Variants in KIAA1217 observed in about 807,000 individuals in gnomAD.
KIAA1217 encodes sickle tail protein homolog.
KIAA1217 carries 88 observed loss-of-function variants against 163.9 expected under a neutral mutation model. The observed-to-expected ratio is 0.54, with a 90% CI of 0.45 to 0.64. KIAA1217 has a LOEUF of 0.64. Ranked by LOEUF, KIAA1217 falls within the 30% of genes least tolerant of loss-of-function variation. The pLI is 0.00. For missense variants in KIAA1217, 2,372 were observed against 2,475.0 expected, an observed-to-expected ratio of 0.96 and a Z score of 0.88; for synonymous variants, 903 against 923.1, an observed-to-expected ratio of 0.98 and a Z score of 0.39.
At chr10:23,969,097 C>A (rs556208126) in intron 1 of KIAA1217, among the ~76,000 whole-genome samples, 3 of 152,146 alleles carry the variant, frequency 2.0e-5, no homozygotes, top group African/African-American at 7.2e-5. Flanking sequence ...TGCAATGGCA[C>A]GATCTCGGCT....
chr10:23,929,809 G>A (rs1225082920), intron 1 of KIAA1217, among the ~76,000 whole-genome samples: 3 of 152,080 alleles, frequency 2.0e-5, no homozygotes, highest in African/African-American at 7.2e-5. Flanking sequence ...ATTTTCCTTT[G>A]GATATATACC....
chr10:24,056,058 G>A (rs2060519565), intron 2 of KIAA1217, among the ~76,000 whole-genome samples: 1 of 152,072 alleles, frequency 6.6e-6, no homozygotes, highest in Non-Finnish European at 1.5e-5. Flanking sequence ...AAGCTCCAAT[G>A]CAAAGGACTA....
At chr10:24,445,522 C>A in intron 5 of KIAA1217, among the ~76,000 whole-genome samples, 1 of 104,212 alleles carries the variant, frequency 9.6e-6, no homozygotes, top group Non-Finnish European at 1.9e-5. Flanking sequence ...TAATGCTATC[C>A]CTCCCCCCTC....
intron 1 of KIAA1217, among the ~76,000 whole-genome samples, chr10:23,852,660 T>C (rs1174675292): frequency 6.6e-6 from 1 of 152,204 alleles, no homozygotes. Flanking sequence ...TGGAATGTTC[T>C]TCCATTTGTT....
At chr10:24,294,883 A>G (rs1288435726) in intron 2 of KIAA1217, among the ~76,000 whole-genome samples, 6 of 152,194 alleles carry the variant, frequency 3.9e-5, no homozygotes, top group East Asian at 1.9e-4. Flanking sequence ...CCTGCCTGAA[A>G]GTCTGGGAAT....
intron 2 of KIAA1217, among the ~76,000 whole-genome samples, chr10:24,084,443 C>T (rs550801332): frequency 6.6e-6 from 1 of 152,124 alleles, no homozygotes; most frequent in Non-Finnish European, 1.5e-5. Context: ...ACACGAAGTG[C>T]TTTTTGTGTA....
At chr10:24,228,781 A>G (rs1169482971) in intron 2 of KIAA1217, among the ~76,000 whole-genome samples, 1 of 152,164 alleles carries the variant, frequency 6.6e-6, no homozygotes, top group Non-Finnish European at 1.5e-5. Context: ...TTGTTTCATC[A>G]GCTCTCCCAA....
intron 1 of KIAA1217, among the ~76,000 whole-genome samples, chr10:23,930,049 T>C (rs1843195124): frequency 6.6e-6 from 1 of 152,178 alleles, no homozygotes; most frequent in Non-Finnish European, 1.5e-5. Flanking sequence ...CTGGCATCTG[T>C]TATTTTTTGA....
intron 9 of KIAA1217, among the ~76,000 whole-genome samples, chr10:24,510,979 A>C (rs1457467243): frequency 6.6e-6 from 1 of 151,964 alleles, no homozygotes; most frequent in African/African-American, 2.4e-5. Flanking sequence ...TGCCAGACAC[A>C]GTGTACCAGA....
intron 2 of KIAA1217, among the ~76,000 whole-genome samples, chr10:24,341,010 T>C (rs945900392): frequency 6.6e-6 from 1 of 151,064 alleles, no homozygotes; most frequent in African/African-American, 2.5e-5. Context: ...GAAATGCGAA[T>C]TTTTTCTCTC....
intron 2 of KIAA1217, among the ~76,000 whole-genome samples, chr10:24,297,236 A>G (rs968592347): frequency 6.6e-6 from 1 of 152,202 alleles, no homozygotes; most frequent in African/African-American, 2.4e-5. Context: ...GAAGGGTACA[A>G]TGCAGCAGGG....
chr10:23,851,189 G>C (rs1839295845), intron 1 of KIAA1217, among the ~76,000 whole-genome samples: 1 of 152,038 alleles, frequency 6.6e-6, no homozygotes, highest in African/African-American at 2.4e-5. Flanking sequence ...ACAGTCCCCA[G>C]AGTGTGATGT....
chr10:24,316,602 A>G (rs1422172772), intron 2 of KIAA1217, among the ~76,000 whole-genome samples: 1 of 152,142 alleles, frequency 6.6e-6, no homozygotes, highest in Non-Finnish European at 1.5e-5. Context: ...AAATGGTTGT[A>G]GAATGTGTTT....
At chr10:24,448,285 G>A (rs895910487) in intron 5 of KIAA1217, among the ~76,000 whole-genome samples, 14 of 152,068 alleles carry the variant, frequency 9.2e-5, no homozygotes, top group Non-Finnish European at 1.9e-4. Flanking sequence ...ATTCACCTGT[G>A]GTAGAACGTA....
At chr10:24,404,332 G>A (rs1199790097) in intron 3 of KIAA1217, among the ~76,000 whole-genome samples, 2 of 152,094 alleles carry the variant, frequency 1.3e-5, no homozygotes, top group African/African-American at 2.4e-5. Flanking sequence ...ACTCTGGGAG[G>A]CCAAGGTGGG....
intron 1 of KIAA1217, among the ~76,000 whole-genome samples, chr10:24,001,069 A>AACACACAC (rs35481656): frequency 1.2e-4 from 18 of 149,224 alleles, no homozygotes; most frequent in Admixed American, 4.0e-4. Context: ...CTGCAAAGTA[A>AACACACAC]ACACACACAC....
At chr10:24,315,931 G>C (rs907586023) in intron 2 of KIAA1217, among the ~76,000 whole-genome samples, 7 of 66,832 alleles carry the variant, frequency 1.0e-4, no homozygotes, top group African/African-American at 4.2e-4. Flanking sequence ...TTATCTAATG[G>C]GGGGGGGGAA....
chr10:24,359,086 T>C (rs1185926831), intron 2 of KIAA1217, among the ~76,000 whole-genome samples: 1 of 139,264 alleles, frequency 7.2e-6, no homozygotes, highest in Non-Finnish European at 1.6e-5. Context: ...TTCTTTCTTT[T>C]TTTTTTTTTT....
At chr10:24,040,164 C>T (rs891569708) in intron 2 of KIAA1217, among the ~76,000 whole-genome samples, 8 of 152,194 alleles carry the variant, frequency 5.3e-5, no homozygotes, top group Admixed American at 2.0e-4. Flanking sequence ...CCACAGCCCT[C>T]GAAGTCATGT....
Sources: allele counts gnomAD v4.1 joint callset (sites outside exome capture counted in the v4.1 genomes callset), GRCh38; gene constraint gnomAD v4.1.1; transcripts MANE v1.5; gene names NCBI Gene and HGNC (gene_info 2026-07-23, HGNC 2026-07-21).